The following RBFOX3 variants were observed in gnomAD, a reference collection of about 807,000 sequenced individuals.
The protein encoded by RBFOX3 is RNA binding protein fox-1 homolog 3.
RBFOX3 carries 17 observed loss-of-function variants against 48.7 expected under a neutral mutation model. The ratio of observed to expected loss-of-function variants is 0.35; its 90% confidence interval spans 0.24 to 0.52. The LOEUF (loss-of-function observed/expected upper bound fraction) is 0.52. RBFOX3 is among the 20% of genes least tolerant of loss of function. The probability of loss-of-function intolerance (pLI) is 0.94; values close to 1 mark genes in which losing one functional copy is unlikely to be tolerated. For missense variants in RBFOX3, 382 were observed against 497.5 expected (o/e 0.77, Z 2.21); for synonymous variants, 212 against 209.5 (o/e 1.01, Z -0.10).
chr17:79,555,711 A>G, intron 1 of RBFOX3, among the ~76,000 whole-genome samples: 1 of 151,886 alleles, frequency 6.6e-6, no homozygotes, highest in African/African-American at 2.4e-5. Context: ...TAGTGGTGGC[A>G]ATGGTGATGA....
intron 9 of RBFOX3, chr17:79,100,533 G>A (rs187358535): frequency 1.2e-3 from 179 of 152,328 alleles, no homozygotes; most frequent in African/African-American, 4.2e-3. Flanking sequence ...GGCGGATCGG[G>A]CGGTCCTGTC....
chr17:79,575,780 T>C (rs974849190), intron 1 of RBFOX3, among the ~76,000 whole-genome samples: 3 of 152,260 alleles, frequency 2.0e-5, no homozygotes, highest in African/African-American at 7.2e-5. Flanking sequence ...AATCTAGCCC[T>C]AGGCCCAACA....
At chr17:79,210,623 C>T (rs182794803) in intron 4 of RBFOX3, among the ~76,000 whole-genome samples, 4 of 152,180 alleles carry the variant, frequency 2.6e-5, no homozygotes, top group Admixed American at 2.0e-4. Context: ...GGTCCCGGGG[C>T]GGGATTATGG....
At chr17:79,359,167 C>T (rs367728309) in intron 2 of RBFOX3, among the ~76,000 whole-genome samples, 3 of 152,198 alleles carry the variant, frequency 2.0e-5, no homozygotes. Context: ...ATCCCTAATC[C>T]ACCTCTTAAT....
intron 1 of RBFOX3, among the ~76,000 whole-genome samples, chr17:79,591,553 G>A (rs930891532): frequency 6.6e-6 from 1 of 152,146 alleles, no homozygotes; most frequent in Admixed American, 6.5e-5. Context: ...AGAAGGTGGC[G>A]GCCACCCCCA....
In RBFOX3 at chr17:79,458,249, G is replaced by A. The variant is rs113403840; in HGVS notation, c.-175+24205C>T. Among the ~76,000 whole-genome samples, 1,189 of 152,354 alleles carry A rather than the reference G, an allele frequency of 7.8e-3. 12 individuals carry two copies. Among genetic ancestry groups the A allele is most frequent in the African/African-American group, 0.027 (1,123 of 41,586 alleles). On this transcript the variant is annotated intron_variant, in intron 2 of 14. Transcript: ENST00000693108. ...TGACTCATATGCTCTGAATCTGTCAGGGCCTTGTTTTTGTTTTTTGTTGGG... is the reference window on the plus strand; with the variant it reads ...TGACTCATATGCTCTGAATCTGTCAAGGCCTTGTTTTTGTTTTTTGTTGGG...
intron 2 of RBFOX3, among the ~76,000 whole-genome samples, chr17:79,393,530 G>A (rs1000781871): frequency 1.3e-5 from 2 of 152,238 alleles, no homozygotes; most frequent in African/African-American, 4.8e-5. Context: ...TCCTGGCCAG[G>A]GCAATAGCAC....
intron 2 of RBFOX3, among the ~76,000 whole-genome samples, chr17:79,383,236 C>T (rs1325919839): frequency 6.6e-6 from 1 of 152,184 alleles, no homozygotes. Context: ...TTCCAGCCAC[C>T]CCTCGCCTCC....
At chr17:79,407,636 C>T (rs903596288) in intron 2 of RBFOX3, among the ~76,000 whole-genome samples, 2 of 152,298 alleles carry the variant, frequency 1.3e-5, no homozygotes, top group East Asian at 3.9e-4. Context: ...AGCGAGTTGT[C>T]TGGAGGACAG....
At chr17:79,106,622 G>A (rs2077431911) in intron 6 of RBFOX3, 29 bp downstream of exon 6, 21 of 1,432,790 alleles carry the variant, frequency 1.5e-5, no homozygotes, top group Non-Finnish European at 1.7e-5. Flanking sequence ...GGTGTGGAGG[G>A]CAGGATGGGT....
chr17:79,643,257 G>A, the RBFOX3 span, among the ~76,000 whole-genome samples: 6 of 152,060 alleles, frequency 3.9e-5, no homozygotes, highest in Non-Finnish European at 1.5e-5. Flanking sequence ...TAATTTTTAG[G>A]AAAATATATA....
chr17:79,347,933 T>C (rs2083179591), intron 2 of RBFOX3, among the ~76,000 whole-genome samples: 1 of 152,218 alleles, frequency 6.6e-6, no homozygotes, highest in African/African-American at 2.4e-5. Context: ...TCTGCTACTC[T>C]GCCCTGCCCT....
chr17:79,258,082 G>C (rs1485912666), intron 3 of RBFOX3, among the ~76,000 whole-genome samples: 1 of 152,116 alleles, frequency 6.6e-6, no homozygotes, highest in Non-Finnish European at 1.5e-5. Flanking sequence ...AGAAGTCCAA[G>C]TTTGCTTCTT....
intron 4 of RBFOX3, among the ~76,000 whole-genome samples, chr17:79,164,744 G>A (rs765696322): frequency 7.2e-5 from 11 of 152,188 alleles, no homozygotes; most frequent in East Asian, 1.9e-4. Flanking sequence ...AGCCTCACCC[G>A]CGTGGTGGCT....
chr17:79,520,279 G>A (rs1777635845), intron 1 of RBFOX3, among the ~76,000 whole-genome samples: 1 of 152,220 alleles, frequency 6.6e-6, no homozygotes, highest in Non-Finnish European at 1.5e-5. Context: ...GGAGACAGCA[G>A]GGGTGGGACG....
intron 1 of RBFOX3, among the ~76,000 whole-genome samples, chr17:79,533,886 T>C (rs1568386263): frequency 6.6e-6 from 1 of 152,246 alleles, no homozygotes; most frequent in Non-Finnish European, 1.5e-5. Flanking sequence ...CCTGTTAACA[T>C]TTTGAGCATA....
At chr17:79,118,814 TAAA>T (rs34700433) in intron 4 of RBFOX3, among the ~76,000 whole-genome samples, 45,596 of 142,190 alleles carry the variant, frequency 0.32, 7,399 homozygotes, top group South Asian at 0.38. Flanking sequence ...CTACAAAAAA[TAAA>T]AAAAAAAAAA....
chr17:79,652,287 G>T, the RBFOX3 span, among the ~76,000 whole-genome samples: 1 of 152,008 alleles, frequency 6.6e-6, no homozygotes, highest in Non-Finnish European at 1.5e-5. Flanking sequence ...AAGAAATAGA[G>T]AACAAGAATG....
At chr17:79,524,498 C>T (rs1051568909) in intron 1 of RBFOX3, among the ~76,000 whole-genome samples, 8 of 152,230 alleles carry the variant, frequency 5.3e-5, no homozygotes, top group African/African-American at 1.7e-4. Flanking sequence ...TGGGATTTCA[C>T]TGCCAGATGA....
Sources: gnomAD v4.1 joint callset for allele counts (sites outside exome capture counted in the v4.1 genomes callset) on GRCh38, gnomAD v4.1.1 for gene constraint, MANE v1.5 for transcripts, NCBI Gene and HGNC (gene_info 2026-07-23, HGNC 2026-07-21) for gene names.